Variants in CARMIL1 observed in about 807,000 individuals in gnomAD.
CARMIL1 encodes the protein F-actin-uncapping protein LRRC16A.
In CARMIL1, 90 loss-of-function variants were observed where a neutral mutation model predicts 177.1. The observed-to-expected ratio is 0.51, with a 90% confidence interval of 0.43 to 0.61. The LOEUF (loss-of-function observed/expected upper bound fraction) is 0.61. Among genes scored for constraint, CARMIL1 ranks in the 20% least tolerant of loss-of-function variants. The pLI is 0.00. For synonymous variants in CARMIL1, 577 were observed against 606.2 expected, an observed-to-expected ratio of 0.95 and a Z score of 0.71; for missense variants, 1,380 against 1,667.0, an observed-to-expected ratio of 0.83 and a Z score of 3.00.
At chr6:25,534,377 C>G (rs1388225715) in intron 24 of CARMIL1, among the ~76,000 whole-genome samples, 1 of 152,088 alleles carries the variant, frequency 6.6e-6, no homozygotes, top group Admixed American at 6.5e-5. Context: ...CCAATCTGAT[C>G]TCCCACTGTA....
intron 2 of CARMIL1, among the ~76,000 whole-genome samples, chr6:25,370,251 G>A (rs1392421903): frequency 6.6e-6 from 1 of 152,168 alleles, no homozygotes; most frequent in Non-Finnish European, 1.5e-5. Context: ...TTTTATGAGT[G>A]TGATATTTTC....
At chr6:25,380,097 C>G (rs527572597) in intron 2 of CARMIL1, among the ~76,000 whole-genome samples, 7 of 152,206 alleles carry the variant, frequency 4.6e-5, no homozygotes, top group Non-Finnish European at 7.4e-5. Context: ...TCTTCTAAAG[C>G]TGTGTCTTTG....
chr6:25,309,640 C>T (rs9467465), intron 2 of CARMIL1, among the ~76,000 whole-genome samples: 61,487 of 151,800 alleles, frequency 0.41, 13,294 homozygotes, highest in Middle Eastern at 0.47. Flanking sequence ...AATATGTGGC[C>T]TTCATGTCTG....
intron 17 of CARMIL1, among the ~76,000 whole-genome samples, chr6:25,502,502 C>T (rs567015385): frequency 4.9e-4 from 73 of 149,608 alleles, no homozygotes; most frequent in Non-Finnish European, 8.9e-4. Context: ...TGCAGTGAGC[C>T]GAGATTGTAC....
At chr6:25,539,872 C>T in intron 25 of CARMIL1, 75 bp from the exon 26 acceptor site, 1 of 1,165,048 alleles carries the variant, frequency 8.6e-7, no homozygotes, top group Non-Finnish European at 1.2e-6. Context: ...CTTCACCCTT[C>T]TCATTCACTC....
At chr6:25,379,562 C>T (rs1264558649) in intron 2 of CARMIL1, among the ~76,000 whole-genome samples, 1 of 152,114 alleles carries the variant, frequency 6.6e-6, no homozygotes, top group African/African-American at 2.4e-5. Flanking sequence ...TTGCATTGAG[C>T]AGAGGTAGTC....
chr6:25,463,177 A>G (rs919425546), intron 8 of CARMIL1, among the ~76,000 whole-genome samples: 38 of 152,350 alleles, frequency 2.5e-4, no homozygotes, highest in African/African-American at 8.9e-4. Context: ...GTTAGAAGAC[A>G]TTAATATCAC....
chr6:25,592,971 A>G (rs1440649758), intron 31 of CARMIL1, among the ~76,000 whole-genome samples: 19 of 152,246 alleles, frequency 1.2e-4, no homozygotes, highest in Admixed American at 1.2e-3. Context: ...TCAAAGAGAC[A>G]TGCTAACTTA....
At chr6:25,282,391 A>G (rs2150122416) in intron 1 of CARMIL1, among the ~76,000 whole-genome samples, 1 of 152,138 alleles carries the variant, frequency 6.6e-6, no homozygotes, top group East Asian at 1.9e-4. Flanking sequence ...CTCATAGTGC[A>G]GTGAGCTCTT....
chr6:25,606,591 T>G (rs1487008762), intron 35 of CARMIL1, among the ~76,000 whole-genome samples: 1 of 152,232 alleles, frequency 6.6e-6, no homozygotes, highest in Non-Finnish European at 1.5e-5. Flanking sequence ...GTGCTCGGCT[T>G]GGCTTTCTAA....
At chr6:25,536,666 A>C (rs1808332782) in intron 24 of CARMIL1, among the ~76,000 whole-genome samples, 1 of 152,188 alleles carries the variant, frequency 6.6e-6, no homozygotes, top group Non-Finnish European at 1.5e-5. Flanking sequence ...GGCAAGAGAG[A>C]TGGCAGTGCT....
chr6:25,470,910 C>T (rs547227925), intron 9 of CARMIL1, among the ~76,000 whole-genome samples: 3 of 152,254 alleles, frequency 2.0e-5, no homozygotes, highest in Admixed American at 2.0e-4. Flanking sequence ...GGTCGGGGGA[C>T]ACAAACTCTG....
chr6:25,325,934 A>G (rs963643270), intron 2 of CARMIL1, among the ~76,000 whole-genome samples: 2 of 152,072 alleles, frequency 1.3e-5, no homozygotes, highest in African/African-American at 4.8e-5. Flanking sequence ...CAGTGGCGCA[A>G]TCTCAGCTCA....
chr6:25,323,815 C>G (rs1427889829), intron 2 of CARMIL1, among the ~76,000 whole-genome samples: 14 of 152,150 alleles, frequency 9.2e-5, no homozygotes, highest in Admixed American at 9.2e-4. Context: ...ACAGTTTGCT[C>G]ATTTGTTTTG....
intron 2 of CARMIL1, among the ~76,000 whole-genome samples, chr6:25,293,309 G>A (rs911490702): frequency 1.4e-5 from 1 of 71,274 alleles, no homozygotes; most frequent in Non-Finnish European, 3.9e-5. Context: ...TGTGTGTTTT[G>A]TAGCAGTAGT....
intron 29 of CARMIL1, among the ~76,000 whole-genome samples, chr6:25,566,661 G>A (rs144763839): frequency 6.6e-6 from 1 of 152,326 alleles, no homozygotes; most frequent in Non-Finnish European, 1.5e-5. Flanking sequence ...TTGTGCTGTT[G>A]ACCACATATC....
At chr6:25,389,893 G>A (rs1792575186) in intron 2 of CARMIL1, among the ~76,000 whole-genome samples, 1 of 152,150 alleles carries the variant, frequency 6.6e-6, no homozygotes, top group South Asian at 2.1e-4. Context: ...CTAGCCACTG[G>A]TGTTGAACTA....
intron 2 of CARMIL1, among the ~76,000 whole-genome samples, chr6:25,345,377 C>T (rs1787399504): frequency 6.6e-6 from 1 of 152,092 alleles, no homozygotes; most frequent in Admixed American, 6.6e-5. Flanking sequence ...ACTCTCAGTG[C>T]TTTAAATATC....
intron 2 of CARMIL1, among the ~76,000 whole-genome samples, chr6:25,367,197 G>C (rs1789919478): frequency 6.6e-6 from 1 of 152,020 alleles, no homozygotes; most frequent in African/African-American, 2.4e-5. Context: ...TTACTTTTTT[G>C]GTGGAAGGGG....
Sources: allele counts gnomAD v4.1 joint callset (sites outside exome capture counted in the v4.1 genomes callset), GRCh38; gene constraint gnomAD v4.1.1; transcripts MANE v1.5; gene names NCBI Gene and HGNC (gene_info 2026-07-23, HGNC 2026-07-21).